VPS35L: variants seen among roughly 807,000 people sequenced by gnomAD.
The protein encoded by VPS35L is VPS35 endosomal protein sorting factor like.
In VPS35L, 83 loss-of-function variants were observed where a neutral mutation model predicts 133.0. The ratio of observed to expected loss-of-function variants is 0.62; its 90% CI spans 0.52 to 0.75. The LOEUF is 0.75. VPS35L is among the 30% of genes least tolerant of loss of function. The probability of loss-of-function intolerance (pLI) is 0.00; values close to 1 mark genes in which losing one functional copy is unlikely to be tolerated. For synonymous variants in VPS35L, 423 were observed against 449.9 expected (o/e 0.94, Z 0.76); for missense variants, 1,083 against 1,206.8 (o/e 0.90, Z 1.52).
At position 19,627,897 on chromosome 16, in the gene VPS35L, G is replaced by A. The variant is rs1973320255; in HGVS notation, c.1383+92G>A. ...ACAGTCCGGTTTTGGGAACAGCATG[G>A]GCCAGCAGGAACACAGGCGAAGGCT... On this transcript the variant is annotated intron_variant, in intron 16 of 30. Coordinates refer to ENST00000417362, the MANE Select transcript of VPS35L (RefSeq NM_020314.7). 9.0e-6 allele frequency: 9 copies of A among 997,042 alleles called. No individual in the cohort carries two copies. The Admixed American group carries it at 1.6e-4, about 18-fold the overall frequency. 61.8% of individuals were successfully genotyped at this position (997,042 alleles called of 1,614,324 possible).
intron 27 of VPS35L, among the ~76,000 whole-genome samples, chr16:19,677,187 TC>T (rs1012707495): frequency 8.6e-5 from 13 of 151,828 alleles, no homozygotes; most frequent in Non-Finnish European, 1.5e-4. Flanking sequence ...TGCCTCCGCC[TC>T]CCGAGCAGCT....
At position 19,569,469 on chromosome 16, in the gene VPS35L, T is replaced by A. The variant is rs772383799; in HGVS notation, c.163T>A (p.Ser55Thr). The change falls in exon 3 of 31, where the codon TCT (serine) becomes ACT (threonine). Residue 55 changes from serine (S) to threonine (T), a missense_variant. By Grantham distance (58) the Ser-to-Thr change is moderately conservative. Coordinates refer to ENST00000417362, the MANE Select transcript of VPS35L (RefSeq NM_020314.7). ...TKKVNRKGSTSSTSSSSSSSV... is the reference protein window; with the variant it reads ...TKKVNRKGSTTSTSSSSSSSV... ...GAAAGTGAACCGGAAAGGAAGCACTTCTTCCACGTCCTCCTCCTCCTCCAG... is the reference window on the plus strand; with the variant it reads ...GAAAGTGAACCGGAAAGGAAGCACTACTTCCACGTCCTCCTCCTCCTCCAG... 1 of 1,606,576 alleles carries A rather than the reference T, an allele frequency of 6.2e-7. No individual in the cohort carries two copies. Among genetic ancestry groups the A allele is most frequent in the East Asian group, 2.2e-5 (1 of 44,822 alleles).
At chr16:19,565,946 C>T (rs1427460893) in intron 2 of VPS35L, among the ~76,000 whole-genome samples, 1 of 152,134 alleles carries the variant, frequency 6.6e-6, no homozygotes, top group African/African-American at 2.4e-5. Context: ...TTGGCTGGTT[C>T]CTCTCTGCCA....
rs747119819 is a variant in VPS35L at position 19,682,351 on chromosome 16, G to C, written c.2488G>C (p.Ala830Pro). The C allele has an allele frequency of 3.1e-5, 50 of 1,614,068 alleles. No individual in the cohort carries two copies. The highest frequency in any genetic ancestry group is 8.5e-7 in the Non-Finnish European group (1 of 1,180,042). The change falls in exon 28 of 31, where the codon GCC becomes CCC. Residue 830 changes from alanine (A) to proline (P), a missense_variant. Transcript: ENST00000417362. ...IYTCVLHLLS[A>P]MSQETYLYHI... ...CACCTGCGTCCTGCATCTCCTCTCC[G>C]CCATGAGCCAGGAGACGTACCTTTA... is the stretch of plus-strand genomic sequence containing the variant.
chr16:19,578,362 AGACCCC>A, intron 5 of VPS35L: 1 of 424,100 alleles, frequency 2.4e-6, no homozygotes, highest in Non-Finnish European at 4.6e-6. Context: ...CGACAGAGTA[AGACCCC>A]ATCTCAAAAA....
chr16:19,692,868 A>G (rs1043344383), intron 29 of VPS35L, among the ~76,000 whole-genome samples: 1 of 152,160 alleles, frequency 6.6e-6, no homozygotes, highest in African/African-American at 2.4e-5. Context: ...CGGCCAATAT[A>G]TACCCATTCT....
intron 28 of VPS35L, among the ~76,000 whole-genome samples, chr16:19,688,941 C>T (rs1356175883): frequency 6.6e-6 from 1 of 152,120 alleles, no homozygotes; most frequent in African/African-American, 2.4e-5. Flanking sequence ...TAGGGACCAA[C>T]TAAATACATT....
At chr16:19,587,661 C>A (rs938896841) in intron 7 of VPS35L, among the ~76,000 whole-genome samples, 6 of 151,882 alleles carry the variant, frequency 4.0e-5, no homozygotes, top group Non-Finnish European at 7.4e-5. Context: ...ATTAATTGAC[C>A]ACTGGTGGCA....
intron 1 of VPS35L, among the ~76,000 whole-genome samples, chr16:19,560,037 T>TA (rs1364580611): frequency 1.3e-5 from 2 of 151,984 alleles, no homozygotes; most frequent in Admixed American, 1.3e-4. Context: ...TCCCCCTTTT[T>TA]AAAAAAAATA....
intron 18 of VPS35L, among the ~76,000 whole-genome samples, chr16:19,630,025 G>C (rs1973396260): frequency 6.6e-6 from 1 of 152,082 alleles, no homozygotes; most frequent in African/African-American, 2.4e-5. Context: ...TTACATTTAA[G>C]TTTGGAAAAT....
chr16:19,612,682 G>C (rs1440955956), intron 12 of VPS35L, among the ~76,000 whole-genome samples: 1 of 152,196 alleles, frequency 6.6e-6, no homozygotes. Flanking sequence ...GAATCATGCT[G>C]TCTCTTCTGC....
chr16:19,679,858 G>A (rs766162297), intron 27 of VPS35L, among the ~76,000 whole-genome samples: 7 of 152,100 alleles, frequency 4.6e-5, no homozygotes, highest in East Asian at 1.9e-4. Flanking sequence ...AACATCCCAC[G>A]CCCCTCCACA....
intron 9 of VPS35L, among the ~76,000 whole-genome samples, chr16:19,602,554 C>T (rs1972419180): frequency 6.6e-6 from 1 of 152,032 alleles, no homozygotes; most frequent in South Asian, 2.1e-4. Context: ...CCACCCTCTC[C>T]TTTTCTCTCT....
At chr16:19,626,143 G>A (rs532338639) in intron 14 of VPS35L, 34 bp from the exon 15 acceptor site, 113 of 1,465,208 alleles carry the variant, frequency 7.7e-5, no homozygotes, top group Non-Finnish European at 9.8e-5. Context: ...CCTCCAACCT[G>A]ATTTTTTAAT....
chr16:19,682,908 CTTGA>C (rs34929537), intron 28 of VPS35L, among the ~76,000 whole-genome samples: 3,904 of 151,586 alleles, frequency 0.026, 95 homozygotes, highest in African/African-American at 0.067. Flanking sequence ...CCATCCTGCC[CTTGA>C]TTGATTGATT....
At chr16:19,561,136 G>A (rs201655765) in intron 1 of VPS35L, among the ~76,000 whole-genome samples, 3 of 152,102 alleles carry the variant, frequency 2.0e-5, no homozygotes, top group African/African-American at 2.4e-5. Context: ...TTGGGAGGCC[G>A]AGGTGGGCAG....
At chr16:19,561,852 T>C (rs957821335) in intron 1 of VPS35L, among the ~76,000 whole-genome samples, 2 of 152,126 alleles carry the variant, frequency 1.3e-5, no homozygotes, top group African/African-American at 4.8e-5. Context: ...ACGTTTCTAA[T>C]CCCAGCAGTT....
At chr16:19,676,459 G>T (rs1421400073) in intron 27 of VPS35L, among the ~76,000 whole-genome samples, 1 of 152,158 alleles carries the variant, frequency 6.6e-6, no homozygotes, top group Non-Finnish European at 1.5e-5. Context: ...CTAGTTTGTG[G>T]AATAATCTTC....
At chr16:19,676,740 A>C (rs76822571) in intron 27 of VPS35L, among the ~76,000 whole-genome samples, 6 of 152,330 alleles carry the variant, frequency 3.9e-5, no homozygotes, top group Non-Finnish European at 8.8e-5. Flanking sequence ...CGTCTATTCC[A>C]CAAACATTTG....
Sources: allele counts gnomAD v4.1 joint callset (sites outside exome capture counted in the v4.1 genomes callset), GRCh38; gene constraint gnomAD v4.1.1; transcripts MANE v1.5; gene names NCBI Gene and HGNC (gene_info 2026-07-23, HGNC 2026-07-21).